The following ASH1L variants were observed in gnomAD, a reference collection of about 807,000 sequenced individuals.
ASH1L encodes ASH1 like histone lysine methyltransferase, also known as histone-lysine N-methyltransferase ASH1L.
In ASH1L, 23 loss-of-function variants were observed where a neutral mutation model predicts 269.0. The observed-to-expected ratio is 0.09, with a 90% CI of 0.06 to 0.12. The LOEUF is 0.12. ASH1L is among the 10% of genes least tolerant of loss of function. The pLI is 1.00. For synonymous variants in ASH1L, 1,187 were observed against 1,253.5 expected (o/e 0.95, Z 1.12); for missense variants, 2,912 against 3,567.8 (o/e 0.82, Z 4.68).
intron 1 of ASH1L, among the ~76,000 whole-genome samples, chr1:155,538,224 T>C (rs1670185192): frequency 6.6e-6 from 1 of 151,642 alleles, no homozygotes; most frequent in South Asian, 2.1e-4. Flanking sequence ...ATTTTGCATT[T>C]TGGAGATGGG....
At chr1:155,526,896 A>G (rs535744202) in intron 1 of ASH1L, among the ~76,000 whole-genome samples, 3 of 152,180 alleles carry the variant, frequency 2.0e-5, no homozygotes, top group Non-Finnish European at 4.4e-5. Context: ...ACATACTATA[A>G]TATCTCTCAT....
chr1:155,510,006 C>T (rs961738220), intron 2 of ASH1L, among the ~76,000 whole-genome samples: 1 of 151,976 alleles, frequency 6.6e-6, no homozygotes, highest in African/African-American at 2.4e-5. Context: ...TCTAATGACA[C>T]GTCAAAAATC....
At chr1:155,526,338 A>G (rs913024953) in intron 1 of ASH1L, among the ~76,000 whole-genome samples, 16 of 152,222 alleles carry the variant, frequency 1.1e-4, no homozygotes, top group South Asian at 2.1e-4. Flanking sequence ...AAAACTATAC[A>G]CAAGTTTTTT....
At chr1:155,411,586 A>AATAAATAAATAAATATATATAT (rs1297131961) in intron 6 of ASH1L, among the ~76,000 whole-genome samples, 10 of 55,172 alleles carry the variant, frequency 1.8e-4, no homozygotes, top group Admixed American at 7.5e-4. Context: ...TAAATAAATA[A>AATAAATAAATAAATATATATAT]ATATATATAT....
chr1:155,479,246 GTTA>G lies in ASH1L; in HGVS notation c.3621_3623del (p.Asn1208del). The G allele has an allele frequency of 6.2e-7, 1 of 1,614,072 alleles. No homozygotes were observed. The highest frequency in any genetic ancestry group is 1.1e-5 in the South Asian group (1 of 91,080). ...ATTTCTCTGCCCTGTCTGATGTGCT[GTTA>G]TTATCTGTTCCAATTCCACTATCAC... On this transcript the variant is annotated inframe_deletion, in exon 3 of 28. Transcript: ENST00000392403.
At chr1:155,532,437 C>A (rs1256841869) in intron 1 of ASH1L, among the ~76,000 whole-genome samples, 1 of 152,016 alleles carries the variant, frequency 6.6e-6, no homozygotes, top group Non-Finnish European at 1.5e-5. Flanking sequence ...AAAATGAAGA[C>A]CTCTATCCAC....
intron 1 of ASH1L, among the ~76,000 whole-genome samples, chr1:155,524,802 T>C (rs1426514338): frequency 1.3e-5 from 2 of 151,982 alleles, no homozygotes; most frequent in East Asian, 1.9e-4. Flanking sequence ...ATTGTACCAC[T>C]ACACTCTAGC....
chr1:155,375,480 T>C (rs1162342281), intron 10 of ASH1L, among the ~76,000 whole-genome samples: 6 of 152,174 alleles, frequency 3.9e-5, no homozygotes, highest in Non-Finnish European at 8.8e-5. Context: ...TTTAGCCAGA[T>C]AATGCCCTTG....
Position 155,525,139 on chromosome 1 carries a change from C to CG in ASH1L, c.-99-3522dup, listed in dbSNP as rs538126679. On this transcript the variant is annotated intron_variant, in intron 1 of 27. Transcript: ENST00000392403. ...GTGCACACCTATAGTCCCAGCTACT[C>CG]GGGAGGATGAGGCAAGAAGATGGCT... Among the ~76,000 whole-genome samples, 28 of 151,808 alleles carry CG rather than the reference C, an allele frequency of 1.8e-4. No individual in the cohort carries two copies. In the East Asian group the frequency reaches 5.4e-3, roughly 30 times the overall value.
At chr1:155,344,530 A>G in intron 21 of ASH1L, 1 of 338,554 alleles carries the variant, frequency 3.0e-6, no homozygotes, top group Non-Finnish European at 5.5e-6. Flanking sequence ...TCTAGGGGCC[A>G]TATGAAAATG....
intron 1 of ASH1L, among the ~76,000 whole-genome samples, chr1:155,539,519 C>T (rs1269772696): frequency 6.6e-6 from 1 of 151,986 alleles, no homozygotes; most frequent in African/African-American, 2.4e-5. Context: ...AGCAGTGGCA[C>T]GATCATAGTT....
chr1:155,498,154 T>C (rs1667278832), intron 2 of ASH1L, among the ~76,000 whole-genome samples: 1 of 152,068 alleles, frequency 6.6e-6, no homozygotes, highest in Non-Finnish European at 1.5e-5. Context: ...ATGATTCCAC[T>C]TACATATGAG....
Position 155,481,719 on chromosome 1 carries a change from G to A in ASH1L, c.1151C>T (p.Ala384Val). Residue 384 changes from alanine (A) to valine (V), a missense_variant, in exon 3 of 28, where the codon GCC becomes GTC. Ala to Val is a moderately conservative substitution (Grantham distance 64, BLOSUM62 0). Around this residue, in one of 13 missense-constraint regions of ASH1L, gnomAD observed 277 missense variants for 367.7 expected, o/e 0.75. Transcript: ENST00000392403. Reference sequence around the variant, plus strand: ...TACAATCTTCTTTGCACAGTCCTTGGCCACTAGGCCAACAGTAGAACCCAA... The same window carrying A: ...TACAATCTTCTTTGCACAGTCCTTGACCACTAGGCCAACAGTAGAACCCAA... The part of the protein sequence containing the change: ...KKLGSTVGLV[A>V]KDCAKKIVAS... The A allele has an allele frequency of 1.2e-6, 2 of 1,614,080 alleles. No individual in the cohort carries two copies. Among genetic ancestry groups the A allele is most frequent in the Non-Finnish European group, 1.7e-6 (2 of 1,180,026 alleles).
chr1:155,369,230 T>A (rs910490400), intron 12 of ASH1L, among the ~76,000 whole-genome samples: 1 of 152,022 alleles, frequency 6.6e-6, no homozygotes, highest in African/African-American at 2.4e-5. Context: ...GATCACAAGG[T>A]CAGGAGATCG....
intron 1 of ASH1L, among the ~76,000 whole-genome samples, chr1:155,539,028 C>T (rs185062932): frequency 1.3e-5 from 2 of 152,322 alleles, no homozygotes; most frequent in African/African-American, 4.8e-5. Flanking sequence ...CTGGAAGCCA[C>T]TCCTGAGTCT....
At chr1:155,558,201 G>T (rs2148927160) in intron 1 of ASH1L, among the ~76,000 whole-genome samples, 1 of 152,234 alleles carries the variant, frequency 6.6e-6, no homozygotes, top group Admixed American at 6.5e-5. Flanking sequence ...AGGTGCGGTG[G>T]CTCACACCTG....
chr1:155,410,342 C>T (rs1032260923), intron 6 of ASH1L, among the ~76,000 whole-genome samples: 1 of 152,068 alleles, frequency 6.6e-6, no homozygotes, highest in Non-Finnish European at 1.5e-5. Flanking sequence ...TTTGCTCTGT[C>T]ACCCAGGCTG....
At chr1:155,365,172 C>T (rs569868142) in intron 12 of ASH1L, among the ~76,000 whole-genome samples, 1 of 152,096 alleles carries the variant, frequency 6.6e-6, no homozygotes, top group South Asian at 2.1e-4. Context: ...AAATAGACTG[C>T]AACACTGATT....
rs767886572 is a variant in ASH1L at position 155,354,476 on chromosome 1, A to C, written c.7210T>G (p.Ser2404Ala). Residue 2404 changes from serine (S) to alanine (A), a missense_variant, in exon 16 of 28, where the codon TCT (serine) becomes GCT (alanine). By Grantham distance (99) the Ser-to-Ala change is moderately conservative. Transcript: ENST00000392403. ...GICRDDGNIK[S>A]DVFMTQFSAL... ...AGAAATGTTTCAAATGCCTTACCAG[A>C]CTTGATATTCCCATCATCTCGGCAG... 1 of 1,606,388 alleles carries C rather than the reference A, an allele frequency of 6.2e-7. No individual in the cohort carries two copies. Among genetic ancestry groups the C allele is most frequent in the Non-Finnish European group, 8.5e-7 (1 of 1,178,004 alleles).
Sources: gnomAD v4.1 joint callset for allele counts (sites outside exome capture counted in the v4.1 genomes callset) on GRCh38, gnomAD v4.1.1 for gene constraint, gnomAD v4.1.1 regional missense constraint, MANE v1.5 for transcripts, NCBI Gene and HGNC (gene_info 2026-07-23, HGNC 2026-07-21) for gene names.